NCKAP1L: variants seen among roughly 807,000 people sequenced by gnomAD.
NCKAP1L encodes the protein nck-associated protein 1-like.
NCKAP1L carries 53 observed loss-of-function variants against 139.2 expected under a neutral mutation model. That is an observed-to-expected ratio of 0.38 (90% CI 0.31 to 0.48). The LOEUF is 0.48. Among genes scored for constraint, NCKAP1L ranks in the 20% least tolerant of loss-of-function variants. The pLI is 0.98. For missense variants in NCKAP1L, 1,151 were observed against 1,381.9 expected (o/e 0.83, Z 2.65); for synonymous variants, 468 against 499.7 (o/e 0.94, Z 0.85).
intron 29 of NCKAP1L, among the ~76,000 whole-genome samples, chr12:54,538,155 C>T (rs1957127532): frequency 6.6e-6 from 1 of 152,214 alleles, no homozygotes; most frequent in South Asian, 2.1e-4. Flanking sequence ...TCATATTGTT[C>T]TCTCAGGAAT....
intron 2 of NCKAP1L, among the ~76,000 whole-genome samples, chr12:54,499,698 C>G (rs961230868): frequency 1.3e-5 from 2 of 152,160 alleles, no homozygotes; most frequent in Non-Finnish European, 1.5e-5. Context: ...ATCATCACCC[C>G]TTTTCCATTG....
intron 26 of NCKAP1L, among the ~76,000 whole-genome samples, chr12:54,533,720 C>A (rs1000961801): frequency 2.6e-5 from 4 of 152,126 alleles, no homozygotes; most frequent in Non-Finnish European, 2.9e-5. Flanking sequence ...CAGGTTCATG[C>A]CACCACACCT....
intron 3 of NCKAP1L, among the ~76,000 whole-genome samples, chr12:54,503,304 C>T (rs973107836): frequency 2.0e-5 from 3 of 150,970 alleles, no homozygotes; most frequent in Non-Finnish European, 4.4e-5. Context: ...TTTTTATAAA[C>T]ATAAAAAATA....
chr12:54,537,448 G>A (rs962257603), intron 29 of NCKAP1L, among the ~76,000 whole-genome samples: 6 of 152,176 alleles, frequency 3.9e-5, no homozygotes, highest in Non-Finnish European at 7.3e-5. Flanking sequence ...GTATGCATCA[G>A]AATATCTTGG....
chr12:54,542,669 C>T lies in NCKAP1L; in HGVS notation c.3368C>T (p.Ala1123Val), dbSNP rs772564700. The T allele has an allele frequency of 5.6e-6, 9 of 1,613,552 alleles. No homozygotes were observed. The highest frequency in any genetic ancestry group is 7.6e-6 in the Non-Finnish European group (9 of 1,179,520). The change falls in exon 31 of 31, where the codon GCC (alanine) becomes GTC (valine). Residue 1123 changes from alanine (A) to valine (V), a missense_variant. Coordinates refer to ENST00000293373, the MANE Select transcript of NCKAP1L (RefSeq NM_005337.5). ...AATGCCTATCGGGAGGTGTCTCGGGCCTTCCACCTAAACTGAATGCCTGCC... is the reference window on the plus strand; with the variant it reads ...AATGCCTATCGGGAGGTGTCTCGGGTCTTCCACCTAAACTGAATGCCTGCC... ...LRNAYREVSR[A>V]FHLN
At chr12:54,540,353 G>C (rs1957147347) in intron 30 of NCKAP1L, among the ~76,000 whole-genome samples, 1 of 152,196 alleles carries the variant, frequency 6.6e-6, no homozygotes, top group Non-Finnish European at 1.5e-5. Context: ...TTATGAGAGA[G>C]AGGAGAATGG....
chr12:54,531,765 CATG>C lies in NCKAP1L; in HGVS notation c.2723_2725del (p.Met908del), dbSNP rs1565681935. 6.2e-7 allele frequency: 1 copy of C among 1,612,798 alleles called. No individual in the cohort carries two copies. The highest frequency in any genetic ancestry group is 2.2e-5 in the East Asian group (1 of 44,790). ...CAGGGGCTGAAAATGTGCTAAAGCG[CATG>C]ACCATCATTGGGGTTATCCTCAGTT... On this transcript the variant is annotated inframe_deletion, in exon 25 of 31. Coordinates refer to ENST00000293373, the MANE Select transcript of NCKAP1L (RefSeq NM_005337.5).
intron 20 of NCKAP1L, among the ~76,000 whole-genome samples, chr12:54,525,392 G>A (rs1003390140): frequency 6.6e-5 from 10 of 152,194 alleles, no homozygotes; most frequent in East Asian, 3.8e-4. Flanking sequence ...TTACATACAC[G>A]TTAACTATAA....
chr12:54,542,511 G>C, intron 30 of NCKAP1L, 64 bp from the exon 31 acceptor site: 1 of 1,243,944 alleles, frequency 8.0e-7, no homozygotes, highest in Non-Finnish European at 1.2e-6. Context: ...TATGCAAAAG[G>C]AACAGGGTAT....
chr12:54,511,084 A>G (rs1176936118), intron 7 of NCKAP1L, among the ~76,000 whole-genome samples: 1 of 152,244 alleles, frequency 6.6e-6, no homozygotes, highest in East Asian at 1.9e-4. Context: ...GTACATGATT[A>G]GTGATAAGTG....
chr12:54,508,019 G>A, intron 4 of NCKAP1L, 110 bp downstream of exon 4: 2 of 958,484 alleles, frequency 2.1e-6, no homozygotes, highest in South Asian at 1.4e-5. Flanking sequence ...CTGGAAGGAT[G>A]GCTATTTTGT....
intron 3 of NCKAP1L, 35 bp downstream of exon 3, chr12:54,500,660 G>A: frequency 1.5e-6 from 2 of 1,333,270 alleles, no homozygotes; most frequent in South Asian, 2.4e-5. Flanking sequence ...ATGTAGGCAA[G>A]GTCTTTCAGA....
chr12:54,526,014 T>C (rs974814306), intron 20 of NCKAP1L, among the ~76,000 whole-genome samples: 8 of 152,222 alleles, frequency 5.3e-5, no homozygotes, highest in Admixed American at 1.3e-4. Flanking sequence ...GCATGATCTC[T>C]ATTCAGCCCT....
At chr12:54,533,257 T>C (rs1957087263) in intron 26 of NCKAP1L, among the ~76,000 whole-genome samples, 1 of 152,152 alleles carries the variant, frequency 6.6e-6, no homozygotes, top group Admixed American at 6.5e-5. Flanking sequence ...CCTGGGTAGC[T>C]CCAATCTTTA....
chr12:54,542,520 A>G lies in NCKAP1L; in HGVS notation c.3274-55A>G, dbSNP rs900595929. The G allele has an allele frequency of 6.1e-6, 8 of 1,308,152 alleles. No homozygotes were observed. The African/African-American group carries it at 7.3e-5, about 12-fold the overall frequency. 81.0% of individuals were successfully genotyped at this position (1,308,152 alleles called of 1,614,324 possible). On this transcript the variant is annotated intron_variant, in intron 30 of 30. Transcript: ENST00000293373. The stretch of plus-strand genomic sequence containing the variant: ...GGGAACTATGCAAAAGGAACAGGGT[A>G]TCACAGACAAATGCCCTACCTGAGG...
intron 30 of NCKAP1L, among the ~76,000 whole-genome samples, chr12:54,540,333 T>C (rs558162674): frequency 6.6e-6 from 1 of 152,246 alleles, no homozygotes; most frequent in East Asian, 1.9e-4. Context: ...TAGGCTGGGC[T>C]GGTTAAGGAT....
intron 4 of NCKAP1L, 143 bp downstream of exon 4, chr12:54,508,052 TA>T: frequency 1.3e-6 from 1 of 751,322 alleles, no homozygotes; most frequent in Non-Finnish European, 2.3e-6. Flanking sequence ...AGGACTACTA[TA>T]ATTGTTTTGT....
chr12:54,518,616 T>C, intron 13 of NCKAP1L, 35 bp from the exon 14 acceptor site: 1 of 1,544,160 alleles, frequency 6.5e-7, no homozygotes. Flanking sequence ...AGGGAACCTG[T>C]GCCCACTTGA....
chr12:54,508,797 C>T (rs955579121), intron 5 of NCKAP1L, among the ~76,000 whole-genome samples: 3 of 152,176 alleles, frequency 2.0e-5, no homozygotes, highest in African/African-American at 7.2e-5. Flanking sequence ...GTGAAATCCA[C>T]CCTTAACAGA....
Sources: gnomAD v4.1 joint callset for allele counts (sites outside exome capture counted in the v4.1 genomes callset) on GRCh38, gnomAD v4.1.1 for gene constraint, MANE v1.5 for transcripts, NCBI Gene and HGNC (gene_info 2026-07-23, HGNC 2026-07-21) for gene names.